Variants in PTPRE observed in about 807,000 individuals in gnomAD.
The protein encoded by PTPRE is protein tyrosine phosphatase receptor type E.
PTPRE carries 51 observed loss-of-function variants against 102.0 expected under a neutral mutation model. The observed-to-expected ratio is 0.50, with a 90% CI of 0.40 to 0.63. PTPRE has a LOEUF of 0.63. Among genes scored for constraint, PTPRE ranks in the 30% least tolerant of loss-of-function variants. The pLI, the probability that PTPRE is intolerant of heterozygous loss-of-function variation, is 0.00. For synonymous variants in PTPRE, 345 were observed against 348.2 expected (o/e 0.99, Z 0.10); for missense variants, 752 against 915.1 (o/e 0.82, Z 2.30).
At position 127,907,244 on chromosome 10, in the gene PTPRE, A is replaced by G. The variant is rs1237025414; in HGVS notation, c.-96A>G. On this transcript the variant is annotated 5_prime_UTR_variant, in exon 1 of 21. Coordinates refer to ENST00000254667, the MANE Select transcript of PTPRE (RefSeq NM_006504.6). The surrounding 1 kb of genome is among the most constrained non-coding windows in gnomAD (Gnocchi z 4.8). ...CCGGGCGCCCCGGAGGGCGGCGGGC[A>G]GGCGCCCGGGAGATGCGGAGCCTCC... 1 of 983,510 alleles carries G rather than the reference A, an allele frequency of 1.0e-6. No individual in the cohort carries two copies. Among genetic ancestry groups the G allele is most frequent in the Non-Finnish European group, 1.2e-6 (1 of 829,088 alleles). 60.9% of individuals were successfully genotyped at this position (983,510 alleles called of 1,614,324 possible). A position where few individuals can be genotyped will look rare whatever the true frequency, so the allele number is the denominator to read the frequency against.
At chr10:128,012,250 C>T (rs1845080494) in intron 2 of PTPRE, among the ~76,000 whole-genome samples, 1 of 152,178 alleles carries the variant, frequency 6.6e-6, no homozygotes, top group Admixed American at 6.5e-5. Context: ...CTGGAGCCTC[C>T]CAATGCAACT....
At chr10:128,071,787 T>G in intron 15 of PTPRE, 1 of 206,948 alleles carries the variant, frequency 4.8e-6, no homozygotes, top group East Asian at 1.5e-4. Flanking sequence ...ACTCTGGCCC[T>G]TGGTTTTCTG....
rs540813425 is a variant in PTPRE, at chr10:127,923,881, C to G, written c.-31+16572C>G. Among the ~76,000 whole-genome samples, 6 of 152,272 alleles carry G rather than the reference C, an allele frequency of 3.9e-5. No individual in the cohort carries two copies. In the South Asian group the frequency reaches 8.3e-4, roughly 21 times the overall value. Reference sequence around the variant, plus strand: ...AGCTGAGACCCCTGAGGGATCAGAACAGATCCAGGGAGAGCTGGGAGTGCT... The same window carrying G: ...AGCTGAGACCCCTGAGGGATCAGAAGAGATCCAGGGAGAGCTGGGAGTGCT... On this transcript the variant is annotated intron_variant, in intron 1 of 20. Coordinates refer to ENST00000254667, the MANE Select transcript of PTPRE (RefSeq NM_006504.6).
At chr10:127,951,806 A>G (rs1589816200) in intron 1 of PTPRE, among the ~76,000 whole-genome samples, 1 of 152,244 alleles carries the variant, frequency 6.6e-6, no homozygotes, top group Admixed American at 6.5e-5. Flanking sequence ...TGAAAGATGC[A>G]GGAATGGTGA....
intron 1 of PTPRE, among the ~76,000 whole-genome samples, chr10:127,976,004 G>A (rs7915103): frequency 0.075 from 11,431 of 151,986 alleles, 1,250 homozygotes; most frequent in African/African-American, 0.24. Flanking sequence ...GTGCTTGGCG[G>A]GGAGTCTGGC....
At chr10:127,908,063 G>T (rs1181151177) in intron 1 of PTPRE, among the ~76,000 whole-genome samples, 1 of 152,230 alleles carries the variant, frequency 6.6e-6, no homozygotes, top group Non-Finnish European at 1.5e-5. Context: ...TGGAGACCGC[G>T]CTGGACCTGA....
intron 1 of PTPRE, among the ~76,000 whole-genome samples, chr10:127,923,084 A>G (rs1363002285): frequency 6.6e-6 from 1 of 152,250 alleles, no homozygotes; most frequent in African/African-American, 2.4e-5. Context: ...CTCCTGTCCC[A>G]GGCAGAGGCC....
chr10:127,981,589 G>A (rs571577421), intron 1 of PTPRE, among the ~76,000 whole-genome samples: 25 of 152,206 alleles, frequency 1.6e-4, no homozygotes, highest in Non-Finnish European at 3.1e-4. Context: ...AGCCCGAGGC[G>A]AGCAGATCAC....
At chr10:128,058,072 T>G (rs1590171640) in intron 7 of PTPRE, among the ~76,000 whole-genome samples, 1 of 152,390 alleles carries the variant, frequency 6.6e-6, no homozygotes, top group African/African-American at 2.4e-5. Context: ...GAATTCCTCA[T>G]TTCTCTCAAT....
intron 1 of PTPRE, among the ~76,000 whole-genome samples, chr10:127,914,792 A>T (rs1179780878): frequency 6.6e-6 from 1 of 152,192 alleles, no homozygotes; most frequent in Admixed American, 6.5e-5. Flanking sequence ...TCAACCGAGG[A>T]GACCTGGAAG....
rs565232694 is a variant in PTPRE, at chr10:128,000,253, C to A, written c.-8+17957C>A. Among the ~76,000 whole-genome samples, 21 of 152,248 alleles carry A rather than the reference C, an allele frequency of 1.4e-4. No homozygotes were observed. The South Asian group carries it at 4.1e-3, about 30-fold the overall frequency. ...ATGTCTTCATTAAATTGATACTTAACGTATAAGTAATCCCTCTTTCACCTA... is the reference window on the plus strand; with the variant it reads ...ATGTCTTCATTAAATTGATACTTAAAGTATAAGTAATCCCTCTTTCACCTA... On this transcript the variant is annotated intron_variant, in intron 2 of 20. Transcript: ENST00000254667.
chr10:127,970,466 C>T (rs1297006103), intron 1 of PTPRE, among the ~76,000 whole-genome samples: 1 of 152,076 alleles, frequency 6.6e-6, no homozygotes, highest in Non-Finnish European at 1.5e-5. Flanking sequence ...ACTGAGCTCT[C>T]CTCCCTCATT....
At chr10:128,048,399 G>A (rs1848273025) in intron 5 of PTPRE, among the ~76,000 whole-genome samples, 1 of 152,126 alleles carries the variant, frequency 6.6e-6, no homozygotes, top group African/African-American at 2.4e-5. Flanking sequence ...GTAAGGCAGA[G>A]GCCACAAAAA....
chr10:128,072,270 C>A, intron 16 of PTPRE, 56 bp downstream of exon 16: 1 of 1,407,400 alleles, frequency 7.1e-7, no homozygotes, highest in Non-Finnish European at 9.9e-7. Context: ...CACATGTGAC[C>A]ACAGACTTGA....
chr10:127,924,639 A>G (rs1448854284), intron 1 of PTPRE, among the ~76,000 whole-genome samples: 2 of 152,196 alleles, frequency 1.3e-5, no homozygotes. Flanking sequence ...CCCTCACTGT[A>G]CTCAAGGAAT....
intron 2 of PTPRE, chr10:127,999,826 C>T: frequency 1.0e-6 from 1 of 985,390 alleles, no homozygotes; most frequent in Non-Finnish European, 1.2e-6. Context: ...AGGGAATACT[C>T]AGTAAATGAT....
At chr10:128,050,147 A>G (rs1056990000) in intron 6 of PTPRE, among the ~76,000 whole-genome samples, 13 of 118,744 alleles carry the variant, frequency 1.1e-4, no homozygotes, top group East Asian at 3.0e-4. Context: ...TTGAGAGAAC[A>G]CTAGCTATAT....
chr10:127,908,114 T>C (rs1249223679), intron 1 of PTPRE, among the ~76,000 whole-genome samples: 2 of 152,190 alleles, frequency 1.3e-5, no homozygotes, highest in Non-Finnish European at 2.9e-5. Context: ...CCAGAAAGAT[T>C]AGGCAATTAT....
intron 2 of PTPRE, among the ~76,000 whole-genome samples, chr10:128,036,990 C>A (rs549061387): frequency 6.6e-5 from 10 of 152,154 alleles, no homozygotes; most frequent in African/African-American, 2.2e-4. Context: ...ACTTTCCTGG[C>A]GGCTCATGAC....
Sources: gnomAD v4.1 joint callset for allele counts (sites outside exome capture counted in the v4.1 genomes callset) on GRCh38, gnomAD v4.1.1 for gene constraint, Gnocchi (gnomAD v3.1) non-coding constraint, MANE v1.5 for transcripts, NCBI Gene and HGNC (gene_info 2026-07-23, HGNC 2026-07-21) for gene names.